The following GALM variants were observed in gnomAD, a reference collection of about 807,000 sequenced individuals.
GALM encodes galactose mutarotase.
Under a neutral mutation model 37.4 loss-of-function variants are expected in GALM, and 43 were observed. That is an observed-to-expected ratio of 1.15 (90% CI 0.90 to 1.48). GALM has a LOEUF of 1.48. Ranked by LOEUF, GALM falls within the 40% of genes most tolerant of loss-of-function variation. The pLI, the probability that GALM is intolerant of heterozygous loss-of-function variation, is 0.00. For missense variants in GALM, 456 were observed against 419.1 expected (o/e 1.09, Z -0.77); for synonymous variants, 199 against 170.6 (o/e 1.17, Z -1.30).
chr2:38,729,059 C>A (rs1475565060), intron 4 of GALM, among the ~76,000 whole-genome samples: 1 of 152,094 alleles, frequency 6.6e-6, no homozygotes, highest in East Asian at 1.9e-4. Flanking sequence ...GTTCCAGGAC[C>A]CCCTACTGAT....
At chr2:38,707,982 C>T (rs1484928744) in intron 4 of GALM, among the ~76,000 whole-genome samples, 1 of 152,056 alleles carries the variant, frequency 6.6e-6, no homozygotes, top group Non-Finnish European at 1.5e-5. Context: ...TAGCACACAC[C>T]TGTAATCCAA....
At chr2:38,689,934 G>A in intron 4 of GALM, 40 bp downstream of exon 4, 1 of 1,239,456 alleles carries the variant, frequency 8.1e-7, no homozygotes, top group Non-Finnish European at 1.2e-6. Flanking sequence ...TGGGATCATG[G>A]ATTGGCTCTC....
chr2:38,709,972 C>G lies in GALM; in HGVS notation c.635-19584C>G, dbSNP rs1666115859. Among the ~76,000 whole-genome samples, 3 of 152,182 alleles carry G rather than the reference C, an allele frequency of 2.0e-5. No homozygotes were observed. The South Asian group carries it at 6.2e-4, about 32-fold the overall frequency. ...AACAGACATAATTGGAGCAGCTGGG[C>G]TGGAAGCACAGCTGGGCTATCCTCA... On this transcript the variant is annotated intron_variant, in intron 4 of 6. Transcript: ENST00000272252.
chr2:38,680,110 C>T (rs747343301), intron 2 of GALM: 1 of 449,976 alleles, frequency 2.2e-6, no homozygotes, highest in South Asian at 1.6e-5. Flanking sequence ...CCTCAACCTC[C>T]TGGGCTCAAG....
intron 4 of GALM, among the ~76,000 whole-genome samples, chr2:38,706,401 G>A (rs1419284714): frequency 2.0e-5 from 3 of 150,750 alleles, no homozygotes; most frequent in South Asian, 2.1e-4. Context: ...CAGGTTGGGC[G>A]TGGTGGCTCA....
At chr2:38,714,910 TGTTG>T (rs1666240009) in intron 4 of GALM, among the ~76,000 whole-genome samples, 1 of 152,212 alleles carries the variant, frequency 6.6e-6, no homozygotes, top group Non-Finnish European at 1.5e-5. Context: ...GATGTTTCTT[TGTTG>T]ATTTTCTGTC....
chr2:38,718,024 C>A (rs898297015), intron 4 of GALM, among the ~76,000 whole-genome samples: 1 of 149,734 alleles, frequency 6.7e-6, no homozygotes, highest in African/African-American at 2.5e-5. Flanking sequence ...TTTGCAGAGA[C>A]GGGGATCCTG....
At chr2:38,707,132 C>T (rs59082396) in intron 4 of GALM, among the ~76,000 whole-genome samples, 1 of 151,746 alleles carries the variant, frequency 6.6e-6, no homozygotes, top group East Asian at 1.9e-4. Context: ...GCTGGGAGAA[C>T]TATGGATTTG....
chr2:38,670,053 G>A (rs1287866958), intron 1 of GALM, among the ~76,000 whole-genome samples: 1 of 152,000 alleles, frequency 6.6e-6, no homozygotes, highest in East Asian at 2.0e-4. Context: ...AGTAGAGACG[G>A]GGTTTCACCA....
chr2:38,694,310 G>A (rs932373355), intron 4 of GALM, among the ~76,000 whole-genome samples: 1 of 152,180 alleles, frequency 6.6e-6, no homozygotes, highest in Non-Finnish European at 1.5e-5. Flanking sequence ...TAAATGAGAA[G>A]TAAGCCAAAA....
intron 4 of GALM, among the ~76,000 whole-genome samples, chr2:38,703,694 G>A (rs1177836275): frequency 2.6e-5 from 4 of 152,060 alleles, no homozygotes; most frequent in Admixed American, 6.6e-5. Flanking sequence ...GAACTTCAAG[G>A]GGATCATGAG....
Position 38,731,731 on chromosome 2 carries a change from C to T in GALM, c.777-4C>T. On this transcript the variant is annotated splice_polypyrimidine_tract_variant and splice_region_variant and intron_variant, in intron 5 of 6. Coordinates refer to ENST00000272252, the MANE Select transcript of GALM (RefSeq NM_138801.3). ...GGACTCATGTTGTTTGTATTTCTTA[C>T]CAGGGTGCATCATGCTGCAAGCGGG... 2 of 1,612,280 alleles carry T rather than the reference C, an allele frequency of 1.2e-6. No individual in the cohort carries two copies. The highest frequency in any genetic ancestry group is 8.5e-7 in the Non-Finnish European group (1 of 1,178,756).
At chr2:38,680,377 G>A (rs539066071) in intron 2 of GALM, among the ~76,000 whole-genome samples, 7 of 152,046 alleles carry the variant, frequency 4.6e-5, no homozygotes, top group African/African-American at 1.7e-4. Flanking sequence ...GCCAGTCTTA[G>A]AATCATATTT....
intron 1 of GALM, chr2:38,668,980 T>C (rs760505994): frequency 1.3e-5 from 2 of 152,190 alleles, no homozygotes; most frequent in Non-Finnish European, 2.9e-5. Context: ...AGACAGGTTA[T>C]ATAAACTGTT....
Position 38,666,566 on chromosome 2 carries a change from G to C in GALM, c.190+215G>C, listed in dbSNP as rs574807459. The stretch of plus-strand genomic sequence containing the variant: ...AATAAACTATGGCAGTTGGCCTCTG[G>C]TTATCCGTTCAGGCTTTGCCCCAGT... On this transcript the variant is annotated intron_variant, in intron 1 of 6. Transcript: ENST00000272252. Among the ~76,000 whole-genome samples, 52 of 152,332 alleles carry C rather than the reference G, an allele frequency of 3.4e-4. No homozygotes were observed. The South Asian group carries it at 0.01, about 30-fold the overall frequency.
At chr2:38,709,122 A>C (rs1666101830) in intron 4 of GALM, among the ~76,000 whole-genome samples, 1 of 151,444 alleles carries the variant, frequency 6.6e-6, no homozygotes, top group Admixed American at 6.6e-5. Flanking sequence ...GTGGGCCTAG[A>C]CAGGTAGGCA....
chr2:38,725,549 T>TACAC (rs112827171), intron 4 of GALM, among the ~76,000 whole-genome samples: 92 of 148,700 alleles, frequency 6.2e-4, no homozygotes, highest in African/African-American at 2.0e-3. Flanking sequence ...AACACACACA[T>TACAC]ACACACACAC....
chr2:38,683,900 A>G (rs541546450), intron 3 of GALM, among the ~76,000 whole-genome samples: 5 of 151,920 alleles, frequency 3.3e-5, no homozygotes, highest in South Asian at 4.2e-4. Context: ...GGGATTTTCA[A>G]CCTCTATCTT....
chr2:38,684,227 T>G (rs1015815361), intron 3 of GALM, among the ~76,000 whole-genome samples: 2 of 152,164 alleles, frequency 1.3e-5, no homozygotes, highest in African/African-American at 4.8e-5. Context: ...ACTTCTAAGT[T>G]TGAGGGTTGG....
Sources: gnomAD v4.1 joint callset for allele counts (sites outside exome capture counted in the v4.1 genomes callset) on GRCh38, gnomAD v4.1.1 for gene constraint, MANE v1.5 for transcripts, NCBI Gene and HGNC (gene_info 2026-07-23, HGNC 2026-07-21) for gene names.